Variants in PDE9A observed in about 807,000 individuals in gnomAD.
PDE9A encodes high affinity cGMP-specific 3',5'-cyclic phosphodiesterase 9A.
Under a neutral mutation model 87.4 loss-of-function variants are expected in PDE9A, and 60 were observed. The ratio of observed to expected loss-of-function variants is 0.69; its 90% CI spans 0.56 to 0.85. The LOEUF is 0.85. Ranked by LOEUF, PDE9A falls within the 40% of genes least tolerant of loss-of-function variation. PDE9A has a pLI of 0.00. For missense variants in PDE9A, 665 were observed against 779.0 expected, an observed-to-expected ratio of 0.85 and a Z score of 1.74; for synonymous variants, 272 against 279.4, an observed-to-expected ratio of 0.97 and a Z score of 0.27.
At chr21:42,669,742 C>T (rs535276753) in intron 1 of PDE9A, among the ~76,000 whole-genome samples, 1 of 152,288 alleles carries the variant, frequency 6.6e-6, no homozygotes, top group South Asian at 2.1e-4. Flanking sequence ...TAAGTCACCG[C>T]ATCCCGGAGA....
intron 4 of PDE9A, among the ~76,000 whole-genome samples, chr21:42,700,494 A>G (rs2039279232): frequency 6.6e-6 from 1 of 152,170 alleles, no homozygotes; most frequent in Non-Finnish European, 1.5e-5. Flanking sequence ...GGTTTGTCTG[A>G]CGTTTCTCTC....
At chr21:42,771,536 T>C (rs1242644602) in intron 18 of PDE9A, among the ~76,000 whole-genome samples, 1 of 152,216 alleles carries the variant, frequency 6.6e-6, no homozygotes, top group Non-Finnish European at 1.5e-5. Context: ...CGGTGTTGCC[T>C]CTGCCACCCC....
At chr21:42,666,306 C>A (rs765428537) in intron 1 of PDE9A, among the ~76,000 whole-genome samples, 3 of 152,234 alleles carry the variant, frequency 2.0e-5, no homozygotes, top group Admixed American at 6.5e-5. Context: ...AGGGGCAGGG[C>A]TGGCACCAAA....
intron 4 of PDE9A, among the ~76,000 whole-genome samples, chr21:42,724,185 C>G (rs977140863): frequency 4.6e-5 from 7 of 152,070 alleles, no homozygotes; most frequent in African/African-American, 1.7e-4. Context: ...CGGAGCGCAC[C>G]CTGTCACCCC....
chr21:42,769,058 T>C lies in PDE9A; in HGVS notation c.1493T>C (p.Val498Ala). Reference protein sequence around the residue: ...SDREKSEGLPVAPFMDRDKVT... With the variant: ...SDREKSEGLPAAPFMDRDKVT... ...CGTGAGAAGTCAGAAGGCCTTCCTG[T>C]GGCACCGTTCATGGACCGAGACAAA... The change falls in exon 17 of 20, where the codon GTG (valine) becomes GCG (alanine). Residue 498 changes from valine to alanine, a missense_variant. Physicochemically the swap from Val to Ala is moderately conservative, Grantham distance 64. Coordinates refer to ENST00000291539, the MANE Select transcript of PDE9A (RefSeq NM_002606.3). 1.2e-6 allele frequency: 2 copies of C among 1,613,552 alleles called. No homozygotes were observed. The highest frequency in any genetic ancestry group is 1.7e-6 in the Non-Finnish European group (2 of 1,179,556).
chr21:42,766,296 G>T lies in PDE9A; in HGVS notation c.1356+802G>T, dbSNP rs145038779. On this transcript the variant is annotated intron_variant, in intron 15 of 19. Transcript: ENST00000291539. Reference sequence around the variant, plus strand: ...GCCATGGTCGTTCCACTGCACTCCAGCCTGGGCAACAGAGCAAGGGTCTGT... The same window carrying T: ...GCCATGGTCGTTCCACTGCACTCCATCCTGGGCAACAGAGCAAGGGTCTGT... Among the ~76,000 whole-genome samples the T allele has an allele frequency of 4.2e-3, 637 of 152,294 alleles. 3 individuals carry two copies. The highest frequency in any genetic ancestry group is 7.3e-3 in the Non-Finnish European group (499 of 68,030).
chr21:42,701,355 T>C (rs2048366231), intron 4 of PDE9A, among the ~76,000 whole-genome samples: 2 of 152,142 alleles, frequency 1.3e-5, no homozygotes, highest in African/African-American at 2.4e-5. Flanking sequence ...CTATAGATGA[T>C]TTTCTTATAG....
intron 7 of PDE9A, among the ~76,000 whole-genome samples, chr21:42,737,727 A>G (rs1047764879): frequency 1.3e-5 from 2 of 152,218 alleles, no homozygotes; most frequent in African/African-American, 4.8e-5. Flanking sequence ...CAAAGTGCTG[A>G]GATTACAGGC....
At chr21:42,687,367 G>T (rs2059536333) in intron 2 of PDE9A, among the ~76,000 whole-genome samples, 1 of 152,158 alleles carries the variant, frequency 6.6e-6, no homozygotes, top group Non-Finnish European at 1.5e-5. Flanking sequence ...GCAGCCCTGG[G>T]ATTTGAGTAT....
intron 4 of PDE9A, among the ~76,000 whole-genome samples, chr21:42,717,556 A>AAT (rs57825675): frequency 0.68 from 100,702 of 149,182 alleles, 35,688 homozygotes; most frequent in East Asian, 0.94. Flanking sequence ...AAAAAAAAAA[A>AAT]TTTTTTTGTA....
At chr21:42,657,510 TG>T (rs1345774862) in intron 1 of PDE9A, among the ~76,000 whole-genome samples, 2 of 152,160 alleles carry the variant, frequency 1.3e-5, no homozygotes, top group Non-Finnish European at 1.5e-5. Flanking sequence ...GCCCCTACCC[TG>T]GGGGGCCCTG....
At chr21:42,682,300 C>A (rs962929855) in intron 1 of PDE9A, among the ~76,000 whole-genome samples, 7 of 152,258 alleles carry the variant, frequency 4.6e-5, no homozygotes, top group Admixed American at 6.5e-5. Context: ...CAGCTATATT[C>A]TCCAGTGGAG....
At chr21:42,742,879 T>C (rs577358373) in intron 7 of PDE9A, among the ~76,000 whole-genome samples, 2 of 152,234 alleles carry the variant, frequency 1.3e-5, no homozygotes, top group South Asian at 4.2e-4. Context: ...CTCCAAAATA[T>C]CTCAAGCGCT....
rs771420919 is a variant in PDE9A at position 42,760,722 on chromosome 21, G to T, written c.1003-103G>T. The T allele has an allele frequency of 1.3e-6, 1 of 747,048 alleles. No homozygotes were observed. Among genetic ancestry groups the T allele is most frequent in the East Asian group, 2.6e-5 (1 of 38,454 alleles). The allele number at this position is 747,048 out of a possible 1,614,324, so 46.3% of individuals were successfully genotyped here. A position where few individuals can be genotyped will look rare whatever the true frequency, so the allele number is the denominator to read the frequency against. The stretch of plus-strand genomic sequence containing the variant: ...CAGGAGATGCCAGATGGCTGCAGGG[G>T]CCTTTGTCCCCCGCTTACCACTCAC... On this transcript the variant is annotated intron_variant, in intron 12 of 19. Coordinates refer to ENST00000291539, the MANE Select transcript of PDE9A (RefSeq NM_002606.3). This position sits in a 1 kb window ranked among gnomAD's most constrained non-coding sequence, Gnocchi z 5.2.
At chr21:42,670,227 AC>A (rs1352390274) in intron 1 of PDE9A, among the ~76,000 whole-genome samples, 5 of 115,294 alleles carry the variant, frequency 4.3e-5, no homozygotes, top group African/African-American at 2.2e-4. Context: ...ACACACATAC[AC>A]TTACATTCAC....
intron 1 of PDE9A, among the ~76,000 whole-genome samples, chr21:42,656,656 GAC>G (rs1358128686): frequency 6.6e-6 from 1 of 152,162 alleles, no homozygotes; most frequent in East Asian, 1.9e-4. Context: ...TCACCAGAGT[GAC>G]ACAGTGGGAG....
intron 4 of PDE9A, 60 bp from the exon 5 acceptor site, chr21:42,731,710 C>T (rs771984416): frequency 1.3e-6 from 2 of 1,522,036 alleles, no homozygotes; most frequent in African/African-American, 1.4e-5. Flanking sequence ...ATAAAATAGA[C>T]CTGGACACTA....
At chr21:42,717,746 G>A (rs1411640012) in intron 4 of PDE9A, among the ~76,000 whole-genome samples, 1 of 151,308 alleles carries the variant, frequency 6.6e-6, no homozygotes, top group Non-Finnish European at 1.5e-5. Context: ...TCATGGTGTG[G>A]AATTCTGCAT....
At chr21:42,756,723 G>C (rs974208739) in intron 10 of PDE9A, 2 of 152,694 alleles carry the variant, frequency 1.3e-5, no homozygotes, top group South Asian at 2.1e-4. Context: ...AGCCTCCCCC[G>C]TCATCTCATG....
Sources: allele counts gnomAD v4.1 joint callset (sites outside exome capture counted in the v4.1 genomes callset), GRCh38; gene constraint gnomAD v4.1.1; non-coding constraint Gnocchi (gnomAD v3.1); transcripts MANE v1.5; gene names NCBI Gene and HGNC (gene_info 2026-07-23, HGNC 2026-07-21).